The following ABCG2 variants were observed in gnomAD, a reference collection of about 807,000 sequenced individuals.
ABCG2 encodes the protein ATP binding cassette subfamily G member 2 (JR blood group).
Under a neutral mutation model 73.5 loss-of-function variants are expected in ABCG2, and 80 were observed. The observed-to-expected ratio is 1.09, with a 90% confidence interval of 0.91 to 1.31. The LOEUF is 1.31. Ranked by LOEUF, ABCG2 falls within the 50% of genes most tolerant of loss-of-function variation. The pLI is 0.00. For synonymous variants in ABCG2, 269 were observed against 282.4 expected (o/e 0.95, Z 0.48); for missense variants, 796 against 786.2 (o/e 1.01, Z -0.15).
In ABCG2 at chr4:88,097,567, A is replaced by G. The variant is rs1318244710; in HGVS notation, c.1533T>C (p.Phe511=). 2 of 1,614,070 alleles carry G rather than the reference A, an allele frequency of 1.2e-6. No homozygotes were observed. The highest frequency in any genetic ancestry group is 1.7e-6 in the Non-Finnish European group (2 of 1,180,006). The change falls in exon 13 of 16, where the codon TTT becomes TTC. Residue 511 remains phenylalanine (F), a synonymous_variant. Transcript: ENST00000237612. ...CTGAATAAGCCACCATCATAAGGGT[A>G]AACATCATAACGAAGAAGGCATCTG... is the stretch of plus-strand genomic sequence containing the variant. The part of the protein sequence containing the change: ...PKADAFFVMM[F]TLMMVAYSAS...
chr4:88,107,081 A>C (rs1279612999), intron 10 of ABCG2, 103 bp downstream of exon 10: 1 of 835,750 alleles, frequency 1.2e-6, no homozygotes, highest in African/African-American at 1.7e-5. Context: ...TAAAAGAATG[A>C]CATTTACACT....
intron 1 of ABCG2, among the ~76,000 whole-genome samples, chr4:88,194,169 C>A (rs1257394332): frequency 1.3e-5 from 2 of 152,166 alleles, no homozygotes; most frequent in Admixed American, 6.5e-5. Flanking sequence ...GGAATTGAAG[C>A]CCAGGGACTG....
intron 10 of ABCG2, among the ~76,000 whole-genome samples, chr4:88,103,518 G>C (rs1722582180): frequency 6.6e-6 from 1 of 152,166 alleles, no homozygotes. Flanking sequence ...AATCATAAGT[G>C]TGAAATAATT....
chr4:88,224,274 A>G lies in ABCG2; in HGVS notation c.-20+6720T>C, dbSNP rs754938579. ...AACAGAGCAAAACCCCTTCTCTACT[A>G]AAAAATACAAAAAATTATCTGGGTG... On this transcript the variant is annotated intron_variant, in intron 1 of 15. Transcript: ENST00000515655. Among the ~76,000 whole-genome samples, 98 of 152,096 alleles carry G rather than the reference A, an allele frequency of 6.4e-4. 1 individual carries two copies. The highest frequency in any genetic ancestry group is 4.7e-4 in the Non-Finnish European group (32 of 67,968).
chr4:88,206,652 C>T (rs1000543303), intron 1 of ABCG2: 1 of 152,118 alleles, frequency 6.6e-6, no homozygotes, highest in Non-Finnish European at 1.5e-5. Context: ...TCATGCCGTT[C>T]CCCGTTGTCA....
At chr4:88,181,340 C>A (rs1728224847) in intron 1 of ABCG2, among the ~76,000 whole-genome samples, 1 of 142,574 alleles carries the variant, frequency 7.0e-6, no homozygotes, top group African/African-American at 2.7e-5. Context: ...GCAGAGGTTG[C>A]AGTGAGCCAA....
chr4:88,176,430 C>A (rs1207291724), intron 1 of ABCG2, among the ~76,000 whole-genome samples: 1 of 149,170 alleles, frequency 6.7e-6, no homozygotes, highest in African/African-American at 2.5e-5. Context: ...TATTAACTAA[C>A]TTTCAATAGG....
At chr4:88,103,259 C>T (rs914325601) in intron 10 of ABCG2, among the ~76,000 whole-genome samples, 1 of 152,132 alleles carries the variant, frequency 6.6e-6, no homozygotes, top group African/African-American at 2.4e-5. Flanking sequence ...TCTATCAGTA[C>T]AGTAATGTCC....
At position 88,131,060 on chromosome 4, in the gene ABCG2, C is replaced by A; in HGVS notation, c.531+1G>T. Reference sequence around the variant, plus strand: ...TGATGCTTTCAGTTTTTCCACATTACCTTGGAGTCTGCCACTTTATCCAGA... The same window carrying A: ...TGATGCTTTCAGTTTTTCCACATTAACTTGGAGTCTGCCACTTTATCCAGA... On this transcript the variant is annotated splice_donor_variant, in intron 5 of 15. Coordinates refer to ENST00000237612, the MANE Select transcript of ABCG2 (RefSeq NM_004827.3). LOFTEE classifies it high-confidence loss of function. 1.2e-6 allele frequency: 2 copies of A among 1,613,874 alleles called. No individual in the cohort carries two copies. Among genetic ancestry groups the A allele is most frequent in the South Asian group, 2.2e-5 (2 of 91,068 alleles).
rs761476817 is a variant in ABCG2, at chr4:88,094,605, T to C, written c.1792A>G (p.Thr598Ala). ...GCATAGTTACAAGGATTGTTTCCTG[T>C]TGCATTGAGTCCTGGGCAGAAGTTT... ...GQNFCPGLNATGNNPCNYATC... is the reference protein window; with the variant it reads ...GQNFCPGLNAAGNNPCNYATC... Residue 598 changes from threonine to alanine, a missense_variant, in exon 15 of 16, where the codon ACA becomes GCA. Physicochemically the swap from Thr to Ala is moderately conservative, Grantham distance 58. Transcript: ENST00000237612. The C allele has an allele frequency of 6.2e-7, 1 of 1,614,074 alleles. No individual in the cohort carries two copies. The highest frequency in any genetic ancestry group is 8.5e-7 in the Non-Finnish European group (1 of 1,179,890).
chr4:88,178,433 G>C (rs1034499017), intron 1 of ABCG2, among the ~76,000 whole-genome samples: 1 of 152,178 alleles, frequency 6.6e-6, no homozygotes, highest in African/African-American at 2.4e-5. Context: ...ACTTGTTGTA[G>C]GCACGGGGTG....
chr4:88,151,113 A>C (rs936854473), intron 1 of ABCG2, among the ~76,000 whole-genome samples: 4 of 152,216 alleles, frequency 2.6e-5, no homozygotes, highest in African/African-American at 9.7e-5. Context: ...AGGAGTAGTG[A>C]CTGGGGCTAG....
At chr4:88,152,193 T>A (rs1012777629) in intron 1 of ABCG2, among the ~76,000 whole-genome samples, 1 of 152,132 alleles carries the variant, frequency 6.6e-6, no homozygotes, top group Admixed American at 6.5e-5. Flanking sequence ...GGGTTTCATT[T>A]GAGAAAAAAA....
At chr4:88,108,516 A>C (rs1279339214) in intron 9 of ABCG2, among the ~76,000 whole-genome samples, 2 of 152,192 alleles carry the variant, frequency 1.3e-5, no homozygotes, top group African/African-American at 4.8e-5. Flanking sequence ...TGGGCGACAG[A>C]GCGATACTGT....
At position 88,091,940 on chromosome 4, in the gene ABCG2, C is replaced by A; in HGVS notation, c.*294G>T. 1 of 254,502 alleles carries A rather than the reference C, an allele frequency of 3.9e-6. No individual in the cohort carries two copies. The highest frequency in any genetic ancestry group is 7.5e-6 in the Non-Finnish European group (1 of 133,026). 15.8% of individuals were successfully genotyped at this position (254,502 alleles called of 1,614,324 possible). A position where few individuals can be genotyped will look rare whatever the true frequency, so the allele number is the denominator to read the frequency against. On this transcript the variant is annotated 3_prime_UTR_variant, in exon 16 of 16. Coordinates refer to ENST00000237612, the MANE Select transcript of ABCG2 (RefSeq NM_004827.3). ...AATGCCAGAGACAGTAATAACTTGT[C>A]AGGAGTTTCCAGAATTCAATTCTCC...
chr4:88,224,040 A>G (rs550586404), intron 1 of ABCG2, among the ~76,000 whole-genome samples: 120 of 152,106 alleles, frequency 7.9e-4, no homozygotes, highest in Non-Finnish European at 1.3e-3. Context: ...TTATTTGCCT[A>G]CTTTTTAATC....
At chr4:88,106,390 A>G (rs2622610) in intron 10 of ABCG2, among the ~76,000 whole-genome samples, 109,283 of 152,122 alleles carry the variant, frequency 0.72, 45,477 homozygotes, top group Non-Finnish European at 0.93. Flanking sequence ...GATGAATGGA[A>G]AAACGAAATG....
chr4:88,172,899 G>A (rs979507269), intron 1 of ABCG2, among the ~76,000 whole-genome samples: 5 of 152,074 alleles, frequency 3.3e-5, no homozygotes, highest in African/African-American at 9.7e-5. Context: ...TCTTCTCTGT[G>A]TAGTGAACTT....
chr4:88,135,240 T>C (rs1467612311), intron 2 of ABCG2, among the ~76,000 whole-genome samples: 1 of 152,158 alleles, frequency 6.6e-6, no homozygotes, highest in Non-Finnish European at 1.5e-5. Flanking sequence ...CCCTTATTTA[T>C]TGCTTTACAG....
Sources: allele counts gnomAD v4.1 joint callset (sites outside exome capture counted in the v4.1 genomes callset), GRCh38; gene constraint gnomAD v4.1.1; transcripts MANE v1.5; gene names NCBI Gene and HGNC (gene_info 2026-07-23, HGNC 2026-07-21).